SPAG17: variants seen among roughly 807,000 people sequenced by gnomAD.
SPAG17 encodes the protein sperm-associated antigen 17.
Under a neutral mutation model 273.6 loss-of-function variants are expected in SPAG17, and 169 were observed. That is an observed-to-expected ratio of 0.62 (90% CI 0.55 to 0.70). SPAG17 has a LOEUF of 0.70. Among genes scored for constraint, SPAG17 ranks in the 30% least tolerant of loss-of-function variants. The pLI is 0.00. For missense variants in SPAG17, 2,557 were observed against 2,627.8 expected, an observed-to-expected ratio of 0.97 and a Z score of 0.59; for synonymous variants, 825 against 873.2, an observed-to-expected ratio of 0.94 and a Z score of 0.97.
chr1:118,125,097 T>C lies in SPAG17; in HGVS notation c.316-9656A>G, dbSNP rs1285338221. On this transcript the variant is annotated intron_variant, in intron 3 of 48. Transcript: ENST00000336338. ...GCCTCAACTCTAAATAGCTGAGCTG[T>C]TTCTTTTTTCCTGAGACCTAGTGGG... 3.9e-5 allele frequency among the ~76,000 whole-genome samples: 6 copies of C among 152,268 alleles called. No individual in the cohort carries two copies. In the East Asian group the frequency reaches 9.7e-4, roughly 25 times the overall value.
intron 27 of SPAG17, among the ~76,000 whole-genome samples, chr1:118,024,791 AT>A: frequency 6.6e-6 from 1 of 151,742 alleles, no homozygotes; most frequent in Non-Finnish European, 1.5e-5. Flanking sequence ...TCGATGTTTA[AT>A]TTTGCTGCAT....
chr1:118,017,701 G>A (rs1660112854), intron 28 of SPAG17, among the ~76,000 whole-genome samples: 1 of 152,174 alleles, frequency 6.6e-6, no homozygotes, highest in South Asian at 2.1e-4. Context: ...TGGCAGAAGA[G>A]ATAAACAGGT....
intron 4 of SPAG17, among the ~76,000 whole-genome samples, chr1:118,102,612 C>T (rs1656140149): frequency 6.6e-6 from 1 of 152,182 alleles, no homozygotes; most frequent in Admixed American, 6.5e-5. Flanking sequence ...TTCCATGATG[C>T]TCTGGGGCAT....
intron 1 of SPAG17, among the ~76,000 whole-genome samples, chr1:118,157,598 G>T (rs983952657): frequency 6.6e-6 from 1 of 152,138 alleles, no homozygotes; most frequent in African/African-American, 2.4e-5. Context: ...GCCAACAAAT[G>T]ACTAGATTCC....
chr1:118,113,464 A>G (rs1656891575), intron 4 of SPAG17, among the ~76,000 whole-genome samples: 2 of 152,096 alleles, frequency 1.3e-5, no homozygotes, highest in African/African-American at 4.8e-5. Context: ...TCCCACAAAC[A>G]ACTGCCTTCA....
intron 44 of SPAG17, 88 bp from the exon 45 acceptor site, chr1:117,972,135 A>G: frequency 8.7e-7 from 1 of 1,154,716 alleles, no homozygotes; most frequent in Non-Finnish European, 1.2e-6. Context: ...AGAGGAAAAT[A>G]ACTGTTGGGT....
At chr1:118,000,919 T>G (rs2101707779) in intron 32 of SPAG17, among the ~76,000 whole-genome samples, 1 of 152,344 alleles carries the variant, frequency 6.6e-6, no homozygotes, top group East Asian at 1.9e-4. Context: ...AGGGAATGCT[T>G]CCAGTTTTTG....
chr1:118,012,095 G>A lies in SPAG17; in HGVS notation c.4432+133C>T, dbSNP rs181133443. 4.2e-6 allele frequency: 3 copies of A among 722,748 alleles called. No homozygotes were observed. The East Asian group carries it at 8.5e-5, about 20-fold the overall frequency. 44.8% of individuals were successfully genotyped at this position (722,748 alleles called of 1,614,324 possible). On this transcript the variant is annotated intron_variant, in intron 30 of 48. Transcript: ENST00000336338. ...ATAGACCCTGCTTTGGATGGCATGGGTTTTCTTTAGTTGGCTAACTTTACC... is the reference window on the plus strand; with the variant it reads ...ATAGACCCTGCTTTGGATGGCATGGATTTTCTTTAGTTGGCTAACTTTACC...
At chr1:118,117,242 T>G (rs10923495) in intron 3 of SPAG17, among the ~76,000 whole-genome samples, 12,694 of 152,050 alleles carry the variant, frequency 0.083, 713 homozygotes, top group East Asian at 0.26. Flanking sequence ...CACTGAAAAG[T>G]GTTACCCCAG....
intron 2 of SPAG17, 72 bp downstream of exon 2, chr1:118,151,156 AT>A: frequency 8.0e-7 from 1 of 1,245,674 alleles, no homozygotes; most frequent in Non-Finnish European, 1.0e-6. Flanking sequence ...ATGATAGTTT[AT>A]TTTATAATTC....
chr1:117,974,869 CAT>C (rs1230834181), intron 43 of SPAG17, among the ~76,000 whole-genome samples: 2 of 152,164 alleles, frequency 1.3e-5, no homozygotes, highest in Admixed American at 1.3e-4. Context: ...GAGTGCCACA[CAT>C]GTTTTTACAC....
At chr1:118,031,394 GA>G (rs1290009739) in intron 25 of SPAG17, among the ~76,000 whole-genome samples, 3 of 151,880 alleles carry the variant, frequency 2.0e-5, no homozygotes, top group Admixed American at 6.6e-5. Flanking sequence ...CTTGACCAAC[GA>G]AAAGCAAAGA....
chr1:118,062,645 T>C (rs1312616147), intron 18 of SPAG17, among the ~76,000 whole-genome samples: 1 of 152,068 alleles, frequency 6.6e-6, no homozygotes, highest in Admixed American at 6.5e-5. Context: ...ATAATTATAA[T>C]GAAAAACTGA....
At chr1:118,024,023 C>T (rs1350037637) in intron 27 of SPAG17, among the ~76,000 whole-genome samples, 1 of 152,152 alleles carries the variant, frequency 6.6e-6, no homozygotes, top group East Asian at 1.9e-4. Context: ...GTATAGGTAA[C>T]TTGTTTCCTT....
rs72374195 is a variant in SPAG17, at chr1:118,089,332, C to CGTGTGT, written c.1359+2268_1359+2273dup. 7.9e-3 allele frequency among the ~76,000 whole-genome samples: 1,068 copies of CGTGTGT among 135,976 alleles called. 24 individuals carry two copies. Among genetic ancestry groups the CGTGTGT allele is most frequent in the African/African-American group, 0.028 (1,010 of 36,598 alleles). 89.2% of individuals were successfully genotyped at this position (135,976 alleles called of 152,430 possible). A position where few individuals can be genotyped will look rare whatever the true frequency, so the allele number is the denominator to read the frequency against. ...AAAACCAGAAGGCCTATGTAGATGACGTGTGTGTGTGTGTGTGTGTGTGGT... is the reference window on the plus strand; with the variant it reads ...AAAACCAGAAGGCCTATGTAGATGACGTGTGTGTGTGTGTGTGTGTGTGTGTGTGGT... On this transcript the variant is annotated intron_variant, in intron 10 of 48. Transcript: ENST00000336338.
chr1:118,099,723 C>A lies in SPAG17; in HGVS notation c.712G>T (p.Ala238Ser), dbSNP rs758810240. 6 of 1,613,708 alleles carry A rather than the reference C, an allele frequency of 3.7e-6. No individual in the cohort carries two copies. The highest frequency in any genetic ancestry group is 1.1e-5 in the South Asian group (1 of 91,074). ...CTGGTTATAGGAATGCCAAGCTCAGCCATAATTGCTAATAGCTGAGGATTG... is the reference window on the plus strand; with the variant it reads ...CTGGTTATAGGAATGCCAAGCTCAGACATAATTGCTAATAGCTGAGGATTG... ...FNNPQLLAIM[A>S]ELGIPITSVI... Residue 238 changes from alanine (A) to serine (S), a missense_variant, in exon 6 of 49, where the codon GCT becomes TCT. By Grantham distance (99) the Ala-to-Ser change is moderately conservative. Transcript: ENST00000336338.
At chr1:118,074,018 T>G (rs746615484) in intron 16 of SPAG17, 51 bp from the exon 17 acceptor site, 16 of 1,350,674 alleles carry the variant, frequency 1.2e-5, no homozygotes, top group African/African-American at 7.6e-5. Flanking sequence ...TAAGTCCAAA[T>G]GGAGCCCTCT....
intron 4 of SPAG17, among the ~76,000 whole-genome samples, chr1:118,108,880 A>T (rs953568023): frequency 6.6e-6 from 1 of 152,186 alleles, no homozygotes; most frequent in Non-Finnish European, 1.5e-5. Context: ...AGTTGAATAT[A>T]AAGTGACACC....
chr1:118,026,933 A>G (rs999204923), intron 26 of SPAG17, among the ~76,000 whole-genome samples: 1 of 152,202 alleles, frequency 6.6e-6, no homozygotes, highest in African/African-American at 2.4e-5. Context: ...GGATTTTCAT[A>G]GTATATGGAA....
Sources: gnomAD v4.1 joint callset for allele counts (sites outside exome capture counted in the v4.1 genomes callset) on GRCh38, gnomAD v4.1.1 for gene constraint, MANE v1.5 for transcripts, NCBI Gene and HGNC (gene_info 2026-07-23, HGNC 2026-07-21) for gene names.